The following TMTC1 variants were observed in gnomAD, a reference collection of about 807,000 sequenced individuals.
The protein encoded by TMTC1 is protein O-mannosyl-transferase TMTC1.
In TMTC1, 73 loss-of-function variants were observed where a neutral mutation model predicts 104.8. That is an observed-to-expected ratio of 0.70 (90% CI 0.58 to 0.85). The LOEUF (loss-of-function observed/expected upper bound fraction) is 0.85. Ranked by LOEUF, TMTC1 falls within the 40% of genes least tolerant of loss-of-function variation. The pLI is 0.00. For missense variants in TMTC1, 1,035 were observed against 1,096.1 expected (o/e 0.94, Z 0.79); for synonymous variants, 434 against 428.7 (o/e 1.01, Z -0.15).
At chr12:29,509,953 G>A (rs912527588) in intron 17 of TMTC1, among the ~76,000 whole-genome samples, 9 of 152,094 alleles carry the variant, frequency 5.9e-5, no homozygotes, top group Non-Finnish European at 1.0e-4. Flanking sequence ...GAGTATATTT[G>A]TTGTACTTTT....
In TMTC1 at chr12:29,585,762, T is replaced by C. The variant is rs74949890; in HGVS notation, c.1251-2188A>G. On this transcript the variant is annotated intron_variant, in intron 7 of 17. Transcript: ENST00000539277. ...TCAGATAGTTGTAGATATGCAGCAT[T>C]ATTTCTGAAGGCTCCATTCTGTTCC... Among the ~76,000 whole-genome samples, 1,437 of 152,340 alleles carry C rather than the reference T, an allele frequency of 9.4e-3. 18 individuals carry two copies. The highest frequency in any genetic ancestry group is 0.037 in the South Asian group (178 of 4,832).
intron 5 of TMTC1, among the ~76,000 whole-genome samples, chr12:29,702,488 C>A (rs985339947): frequency 1.3e-5 from 2 of 152,178 alleles, no homozygotes; most frequent in Non-Finnish European, 2.9e-5. Flanking sequence ...GGCACATGGC[C>A]CTCTCTGTAA....
intron 5 of TMTC1, among the ~76,000 whole-genome samples, chr12:29,676,158 C>T (rs1940717844): frequency 6.6e-6 from 1 of 152,224 alleles, no homozygotes; most frequent in African/African-American, 2.4e-5. Flanking sequence ...TCCAAAACCT[C>T]ACACTTGTAA....
intron 7 of TMTC1, among the ~76,000 whole-genome samples, chr12:29,595,491 C>T (rs988193826): frequency 6.6e-6 from 1 of 152,180 alleles, no homozygotes; most frequent in African/African-American, 2.4e-5. Context: ...CATGACCTTC[C>T]CATAGCACTG....
In TMTC1 at chr12:29,517,451, A is replaced by T. The variant is rs1177538600; in HGVS notation, c.2145T>A (p.Ser715=). 4 of 1,614,002 alleles carry T rather than the reference A, an allele frequency of 2.5e-6. No individual in the cohort carries two copies. Among genetic ancestry groups the T allele is most frequent in the Non-Finnish European group, 2.5e-6 (3 of 1,180,042 alleles). The change falls in exon 14 of 18, where the codon TCT becomes TCA. Residue 715 remains serine, a synonymous_variant. Coordinates refer to ENST00000539277, the MANE Select transcript of TMTC1 (RefSeq NM_001193451.2). ...CCAGTGCCAAGCGGAGCTCCCTCTG[A>T]GAAGGCTGAAGTGCTGCAGCTTCCT... ...IYQEAAALQP[S]QRELRLALAQ... is the part of the protein sequence containing the mutation.
intron 10 of TMTC1, among the ~76,000 whole-genome samples, chr12:29,555,970 G>A (rs533473418): frequency 6.6e-6 from 1 of 152,172 alleles, no homozygotes; most frequent in African/African-American, 2.4e-5. Flanking sequence ...TCAGCATTCT[G>A]ACAAGCACAG....
At chr12:29,756,984 G>A (rs1181337017) in intron 3 of TMTC1, among the ~76,000 whole-genome samples, 1 of 152,062 alleles carries the variant, frequency 6.6e-6, no homozygotes, top group Non-Finnish European at 1.5e-5. Flanking sequence ...TAACCACAAA[G>A]AACAGGCCTA....
chr12:29,556,805 GA>G, intron 10 of TMTC1, 51 bp downstream of exon 10: 1 of 1,608,972 alleles, frequency 6.2e-7, no homozygotes, highest in Non-Finnish European at 8.5e-7. Flanking sequence ...GAGAAGGAAA[GA>G]GTTTCTTGGA....
intron 5 of TMTC1, among the ~76,000 whole-genome samples, chr12:29,634,990 G>T (rs1938477829): frequency 6.6e-6 from 1 of 152,148 alleles, no homozygotes; most frequent in African/African-American, 2.4e-5. Context: ...TCAGGCTGCA[G>T]GGCAGGAGGG....
intron 10 of TMTC1, 100 bp from the exon 11 acceptor site, chr12:29,536,417 G>T (rs1944645592): frequency 1.3e-6 from 1 of 764,204 alleles, no homozygotes; most frequent in African/African-American, 1.8e-5. Flanking sequence ...TTTAGCAAAG[G>T]TTAGCTGATT....
chr12:29,592,186 CTTTTAAAGAATTCCCAAT>C (rs1946299798), intron 7 of TMTC1, among the ~76,000 whole-genome samples: 1 of 152,186 alleles, frequency 6.6e-6, no homozygotes, highest in Non-Finnish European at 1.5e-5. Flanking sequence ...CCATTACACT[CTTTTAAAGAATTCCCAAT>C]TTTAGAGAAT....
intron 17 of TMTC1, among the ~76,000 whole-genome samples, chr12:29,509,634 G>A (rs1943779856): frequency 6.6e-6 from 1 of 152,178 alleles, no homozygotes; most frequent in Non-Finnish European, 1.5e-5. Flanking sequence ...TGAGCCATGT[G>A]CCTGTTTATA....
chr12:29,624,426 T>C (rs1379082941), intron 6 of TMTC1, among the ~76,000 whole-genome samples: 1 of 152,158 alleles, frequency 6.6e-6, no homozygotes, highest in Non-Finnish European at 1.5e-5. Context: ...AGATAGAGGT[T>C]TGATACTGTG....
rs1943869162 is a variant in TMTC1, at chr12:29,783,001, G to C, written c.302+449C>G. The C allele has an allele frequency of 6.3e-6, 1 of 157,816 alleles. No homozygotes were observed. The highest frequency in any genetic ancestry group is 1.4e-5 in the Non-Finnish European group (1 of 72,108). The allele number at this position is 157,816 out of a possible 1,614,324, so 9.8% of individuals were successfully genotyped here. A position where few individuals can be genotyped will look rare whatever the true frequency, so the allele number is the denominator to read the frequency against. Reference sequence around the variant, plus strand: ...ATCTGAACGAAACCCTTAAGGGGCTGATACACTTCTCATCTGCAAAGCTGC... The same window carrying C: ...ATCTGAACGAAACCCTTAAGGGGCTCATACACTTCTCATCTGCAAAGCTGC... On this transcript the variant is annotated intron_variant, in intron 1 of 17. Coordinates refer to ENST00000539277, the MANE Select transcript of TMTC1 (RefSeq NM_001193451.2). This position sits in a 1 kb window ranked among gnomAD's most constrained non-coding sequence, Gnocchi z 4.7.
chr12:29,751,033 T>C (rs957971603), intron 5 of TMTC1, among the ~76,000 whole-genome samples: 1 of 152,346 alleles, frequency 6.6e-6, no homozygotes, highest in Non-Finnish European at 1.5e-5. Context: ...ATAAACTCTT[T>C]AGCTTTTTAA....
intron 5 of TMTC1, among the ~76,000 whole-genome samples, chr12:29,741,748 G>A (rs936594760): frequency 6.6e-6 from 1 of 152,202 alleles, no homozygotes; most frequent in African/African-American, 2.4e-5. Context: ...GCGTTTTAAT[G>A]CTCAAGACAT....
intron 6 of TMTC1, among the ~76,000 whole-genome samples, chr12:29,606,528 T>G (rs1317924689): frequency 6.6e-6 from 1 of 152,218 alleles, no homozygotes; most frequent in Non-Finnish European, 1.5e-5. Context: ...TTTATAGAGA[T>G]AGTTGATTAC....
intron 5 of TMTC1, among the ~76,000 whole-genome samples, chr12:29,687,486 G>A (rs1404443196): frequency 1.3e-5 from 2 of 152,190 alleles, no homozygotes; most frequent in African/African-American, 2.4e-5. Context: ...TAAGAGACAT[G>A]ATCAGTGAAG....
At chr12:29,733,254 C>T (rs770330602) in intron 5 of TMTC1, among the ~76,000 whole-genome samples, 1 of 152,134 alleles carries the variant, frequency 6.6e-6, no homozygotes, top group Non-Finnish European at 1.5e-5. Flanking sequence ...GAGTAACTTG[C>T]TGAGTCACAG....
Sources: allele counts gnomAD v4.1 joint callset (sites outside exome capture counted in the v4.1 genomes callset), GRCh38; gene constraint gnomAD v4.1.1; non-coding constraint Gnocchi (gnomAD v3.1); transcripts MANE v1.5; gene names NCBI Gene and HGNC (gene_info 2026-07-23, HGNC 2026-07-21).